Variants in ST14 observed in about 807,000 individuals in gnomAD.
ST14 encodes suppressor of tumorigenicity 14 protein.
A neutral mutation model predicts 96.5 loss-of-function variants in ST14; 40 were observed. The ratio of observed to expected loss-of-function variants is 0.41; its 90% CI spans 0.32 to 0.54. ST14 has a LOEUF of 0.54. Among genes scored for constraint, ST14 ranks in the 20% least tolerant of loss-of-function variants. The pLI is 0.17. For synonymous variants in ST14, 506 were observed against 492.1 expected (o/e 1.03, Z -0.37); for missense variants, 1,066 against 1,188.9 (o/e 0.90, Z 1.52).
At chr11:130,203,623 G>A (rs1953454903) in intron 16 of ST14, among the ~76,000 whole-genome samples, 2 of 152,212 alleles carry the variant, frequency 1.3e-5, no homozygotes, top group Admixed American at 6.5e-5. Context: ...CCCATGCTCA[G>A]TGTGAGGGTT....
chr11:130,184,566 G>T (rs898589937), intron 1 of ST14, among the ~76,000 whole-genome samples: 1 of 152,152 alleles, frequency 6.6e-6, no homozygotes, highest in Admixed American at 6.5e-5. Context: ...CTTTGGTAAT[G>T]GTCTCTTCTC....
intron 7 of ST14, 60 bp from the exon 8 acceptor site, chr11:130,194,089 G>C (rs1953333136): frequency 6.2e-7 from 1 of 1,612,770 alleles, no homozygotes; most frequent in East Asian, 2.2e-5. Flanking sequence ...GCCTGGTTTG[G>C]GTGTGTGAGA....
In ST14 at chr11:130,199,812, C is replaced by A. The variant is rs1565627578; in HGVS notation, c.1808-139C>A. ...AGATAGTTTTGGGGGTCCCTCACGC[C>A]CTGGCCACGCCAGCAGTGCTGTGCA... On this transcript the variant is annotated intron_variant, in intron 15 of 18. Transcript: ENST00000278742. 3 of 1,017,904 alleles carry A rather than the reference C, an allele frequency of 2.9e-6. No individual in the cohort carries two copies. The East Asian group carries it at 7.2e-5, about 24-fold the overall frequency. 63.1% of individuals were successfully genotyped at this position (1,017,904 alleles called of 1,614,324 possible).
intron 1 of ST14, among the ~76,000 whole-genome samples, chr11:130,168,332 T>C (rs891756850): frequency 6.6e-6 from 1 of 152,172 alleles, no homozygotes. Flanking sequence ...AAGGGTGAGA[T>C]GGAACCAGAT....
rs188056810 is a variant in ST14 at position 130,178,979 on chromosome 11, C to T, written c.82-9135C>T. ...GCTTATAACCAATTGTGGGAGGGTC[C>T]CCAGGGCGTGGAAGCAAAGTTCGAC... On this transcript the variant is annotated intron_variant, in intron 1 of 18. Coordinates refer to ENST00000278742, the MANE Select transcript of ST14 (RefSeq NM_021978.4). Among the ~76,000 whole-genome samples, 1,245 of 152,224 alleles carry T rather than the reference C, an allele frequency of 8.2e-3. 14 individuals carry two copies. The highest frequency in any genetic ancestry group is 0.031 in the Middle Eastern group (9 of 294).
intron 1 of ST14, among the ~76,000 whole-genome samples, chr11:130,164,799 G>A (rs993229399): frequency 4.6e-5 from 7 of 151,502 alleles, no homozygotes; most frequent in African/African-American, 1.7e-4. Context: ...GTGCAATGGT[G>A]TGATCTCAGC....
intron 11 of ST14, 182 bp downstream of exon 11, chr11:130,196,882 C>A (rs1565626454): frequency 5.6e-6 from 5 of 893,644 alleles, no homozygotes; most frequent in Non-Finnish European, 6.9e-6. Flanking sequence ...TGAAAGCAGG[C>A]TGGCTGTGAG....
intron 17 of ST14, 37 bp downstream of exon 17, chr11:130,208,721 C>CT (rs1375775688): frequency 1.3e-6 from 2 of 1,591,378 alleles, no homozygotes; most frequent in African/African-American, 2.7e-5. Context: ...CGCAGAGGGC[C>CT]TGGGGCCTTT....
intron 1 of ST14, among the ~76,000 whole-genome samples, chr11:130,182,337 A>G (rs1953199882): frequency 1.4e-5 from 2 of 147,398 alleles, no homozygotes; most frequent in Admixed American, 1.4e-4. Flanking sequence ...TTTTTTTGAG[A>G]TGAGGTTTTG....
chr11:130,160,171 C>A, intron 1 of ST14, 111 bp downstream of exon 1: 1 of 713,894 alleles, frequency 1.4e-6, no homozygotes, highest in Non-Finnish European at 2.0e-6. Flanking sequence ...TGGCCGAGCT[C>A]TGGGCGCACA....
chr11:130,191,595 C>T (rs749294590), intron 7 of ST14, among the ~76,000 whole-genome samples: 4 of 147,292 alleles, frequency 2.7e-5, no homozygotes, highest in African/African-American at 1.0e-4. Context: ...GAGGCCAAGG[C>T]GGGAGAATCA....
At chr11:130,198,083 T>C in intron 12 of ST14, 138 bp downstream of exon 12, 1 of 949,204 alleles carries the variant, frequency 1.1e-6, no homozygotes, top group Non-Finnish European at 1.6e-6. Flanking sequence ...TGTAGAGACC[T>C]CTGGCCCCAC....
chr11:130,189,916 G>A lies in ST14; in HGVS notation c.598+20G>A. ...CTTTCCGTGAGTCCGAGGGCCAGGG[G>A]TGGGCGTGGGACTGGCCAGCCTTCC... On this transcript the variant is annotated intron_variant, in intron 5 of 18. Transcript: ENST00000278742. 2 of 1,613,528 alleles carry A rather than the reference G, an allele frequency of 1.2e-6. No individual in the cohort carries two copies. Among genetic ancestry groups the A allele is most frequent in the Non-Finnish European group, 1.7e-6 (2 of 1,179,942 alleles).
chr11:130,200,041 A>G lies in ST14; in HGVS notation c.1898A>G (p.His633Arg). 2 of 1,614,168 alleles carry G rather than the reference A, an allele frequency of 1.2e-6. No individual in the cohort carries two copies. The highest frequency in any genetic ancestry group is 8.5e-7 in the Non-Finnish European group (1 of 1,180,042). The change falls in exon 16 of 19, where the codon CAT becomes CGT. Residue 633 changes from histidine (H) to arginine (R), a missense_variant. Coordinates refer to ENST00000278742, the MANE Select transcript of ST14 (RefSeq NM_021978.4). ...EGEWPWQVSL[H>R]ALGQGHICGA... ...GAGTGGCCCTGGCAGGTAAGCCTGC[A>G]TGCTCTGGGCCAGGGCCACATCTGC...
intron 1 of ST14, among the ~76,000 whole-genome samples, chr11:130,173,399 C>A (rs1304104678): frequency 6.6e-6 from 1 of 152,102 alleles, no homozygotes; most frequent in Non-Finnish European, 1.5e-5. Flanking sequence ...GGAGTCGAGA[C>A]CAGCCTGGCC....
At chr11:130,172,465 T>G (rs1447259929) in intron 1 of ST14, among the ~76,000 whole-genome samples, 1 of 145,686 alleles carries the variant, frequency 6.9e-6, no homozygotes, top group Non-Finnish European at 1.5e-5. Flanking sequence ...CCACCCAGGC[T>G]GGAGTGCAGT....
At chr11:130,164,764 G>GT (rs1953028206) in intron 1 of ST14, among the ~76,000 whole-genome samples, 1 of 140,078 alleles carries the variant, frequency 7.1e-6, no homozygotes, top group African/African-American at 3.0e-5. Flanking sequence ...TTGAGATGGA[G>GT]TTTCGCTCTT....
intron 1 of ST14, among the ~76,000 whole-genome samples, chr11:130,164,392 A>T (rs1395579903): frequency 2.0e-5 from 3 of 149,640 alleles, no homozygotes; most frequent in African/African-American, 4.9e-5. Flanking sequence ...ACCAAGTATT[A>T]CCCTTCTCAG....
At chr11:130,196,291 G>A (rs771348960) in intron 9 of ST14, 48 bp from the exon 10 acceptor site, 3 of 1,469,120 alleles carry the variant, frequency 2.0e-6, no homozygotes, top group Non-Finnish European at 9.3e-7. Flanking sequence ...TCAGGTTCAG[G>A]GAGGAGGGAG....
Sources: allele counts gnomAD v4.1 joint callset (sites outside exome capture counted in the v4.1 genomes callset), GRCh38; gene constraint gnomAD v4.1.1; transcripts MANE v1.5; gene names NCBI Gene and HGNC (gene_info 2026-07-23, HGNC 2026-07-21).